INPP4B: variants seen among roughly 807,000 people sequenced by gnomAD.
The protein encoded by INPP4B is inositol polyphosphate 4-phosphatase type II.
Under a neutral mutation model 122.5 loss-of-function variants are expected in INPP4B, and 55 were observed. That is an observed-to-expected ratio of 0.45 (90% CI 0.36 to 0.56). The LOEUF is 0.56. INPP4B is among the 20% of genes least tolerant of loss of function. INPP4B has a pLI of 0.00. For missense variants in INPP4B, 1,000 were observed against 1,097.7 expected (o/e 0.91, Z 1.26); for synonymous variants, 403 against 388.7 (o/e 1.04, Z -0.43).
chr4:142,153,485 G>T (rs538106510), intron 17 of INPP4B, among the ~76,000 whole-genome samples: 2 of 152,208 alleles, frequency 1.3e-5, no homozygotes, highest in East Asian at 3.9e-4. Context: ...ATGCAAGTTT[G>T]TATATTCATT....
chr4:142,531,142 T>C (rs1827562519), intron 2 of INPP4B, among the ~76,000 whole-genome samples: 1 of 152,042 alleles, frequency 6.6e-6, no homozygotes, highest in Non-Finnish European at 1.5e-5. Flanking sequence ...GAGAATTGTC[T>C]AGATTCTGGA....
chr4:142,770,619 T>A (rs1171222694), intron 1 of INPP4B, among the ~76,000 whole-genome samples: 3 of 152,004 alleles, frequency 2.0e-5, no homozygotes, highest in African/African-American at 7.3e-5. Context: ...AATTCCCCAA[T>A]CTCAGTTTTA....
intron 2 of INPP4B, among the ~76,000 whole-genome samples, chr4:142,704,109 G>A (rs1373036): frequency 0.77 from 116,914 of 152,046 alleles, 45,038 homozygotes; most frequent in East Asian, 0.81. Context: ...AGGATGCAAC[G>A]GGATGGCAAG....
chr4:142,654,681 C>T (rs1753797208), intron 2 of INPP4B: 1 of 152,154 alleles, frequency 6.6e-6, no homozygotes, highest in Non-Finnish European at 1.5e-5. Context: ...CTTCTTCCAT[C>T]TAACATTACA....
chr4:142,542,492 A>T (rs142163933), intron 2 of INPP4B, among the ~76,000 whole-genome samples: 4 of 152,214 alleles, frequency 2.6e-5, no homozygotes, highest in Admixed American at 2.0e-4. Context: ...TGTCTGATAC[A>T]ACATTTAAAT....
At chr4:142,286,002 A>T (rs1048592194) in intron 9 of INPP4B, among the ~76,000 whole-genome samples, 5 of 152,206 alleles carry the variant, frequency 3.3e-5, no homozygotes, top group African/African-American at 1.2e-4. Flanking sequence ...ATTATTTTAG[A>T]GGTCAAAATG....
Position 142,117,057 on chromosome 4 carries a change from T to A in INPP4B, c.2136-4375A>T, listed in dbSNP as rs548665166. Among the ~76,000 whole-genome samples, 15 of 151,964 alleles carry A rather than the reference T, an allele frequency of 9.9e-5. No individual in the cohort carries two copies. In the South Asian group the frequency reaches 2.7e-3, roughly 27 times the overall value. Reference sequence around the variant, plus strand: ...ACCACTATGCAAATAAACTAGAAAATCTAGAAGAAATGGATAAATTCCTGG... The same window carrying A: ...ACCACTATGCAAATAAACTAGAAAAACTAGAAGAAATGGATAAATTCCTGG... On this transcript the variant is annotated intron_variant, in intron 21 of 25. Transcript: ENST00000262992.
chr4:142,609,465 A>C (rs182135312), intron 2 of INPP4B, among the ~76,000 whole-genome samples: 1 of 152,172 alleles, frequency 6.6e-6, no homozygotes, highest in Admixed American at 6.5e-5. Context: ...TTTCTCTGGG[A>C]TACTTCCCTT....
chr4:142,082,997 ATGC>A (rs1247446672), intron 24 of INPP4B, among the ~76,000 whole-genome samples: 1 of 151,886 alleles, frequency 6.6e-6, no homozygotes, highest in East Asian at 1.9e-4. Context: ...ATGGTGATGC[ATGC>A]TTGTAGTCCC....
chr4:142,408,712 G>GT (rs1242949660), intron 5 of INPP4B, among the ~76,000 whole-genome samples: 1 of 152,136 alleles, frequency 6.6e-6, no homozygotes, highest in Non-Finnish European at 1.5e-5. Flanking sequence ...GTTTCGTTTT[G>GT]TTTATTTAAG....
At chr4:142,399,249 T>C (rs1459715069) in intron 7 of INPP4B, among the ~76,000 whole-genome samples, 1 of 125,686 alleles carries the variant, frequency 8.0e-6, no homozygotes, top group Non-Finnish European at 1.6e-5. Context: ...CAGGCTGGAG[T>C]GCAGTGATGT....
intron 25 of INPP4B, among the ~76,000 whole-genome samples, chr4:142,081,016 C>T (rs1396411374): frequency 6.6e-6 from 1 of 152,102 alleles, no homozygotes; most frequent in Non-Finnish European, 1.5e-5. Context: ...TATGATAGAG[C>T]TCCACGGAAG....
At chr4:142,030,199 G>A (rs1406669943) in intron 25 of INPP4B, 1 of 1,535,660 alleles carries the variant, frequency 6.5e-7, no homozygotes, top group Non-Finnish European at 8.7e-7. Context: ...GAGCTGACAA[G>A]CAGCAAGGCG....
At chr4:142,588,231 T>C (rs896907386) in intron 2 of INPP4B, among the ~76,000 whole-genome samples, 14 of 151,902 alleles carry the variant, frequency 9.2e-5, no homozygotes, top group Admixed American at 4.6e-4. Context: ...ACTTTTCCTC[T>C]AAAATCAGGG....
At chr4:142,544,130 G>GGGTGTGTGTGTGTGTGTGTGTGT (rs1829270425) in intron 2 of INPP4B, among the ~76,000 whole-genome samples, 1 of 133,128 alleles carries the variant, frequency 7.5e-6, no homozygotes, top group African/African-American at 2.9e-5. Context: ...GTGTGTGTGT[G>GGGTGTGTGTGTGTGTGTGTGTGT]GTGTGTGTGT....
intron 17 of INPP4B, among the ~76,000 whole-genome samples, chr4:142,160,118 C>A (rs1819357701): frequency 1.3e-5 from 2 of 151,874 alleles, no homozygotes; most frequent in Non-Finnish European, 1.5e-5. Context: ...ACTGTGGCAT[C>A]TTTACTTGGA....
At chr4:142,070,292 C>G (rs1045016167) in intron 25 of INPP4B, among the ~76,000 whole-genome samples, 1 of 152,138 alleles carries the variant, frequency 6.6e-6, no homozygotes, top group South Asian at 2.1e-4. Flanking sequence ...GACAGCCTTT[C>G]ATGATAAAAA....
chr4:142,478,040 C>A (rs1385909696), intron 2 of INPP4B, among the ~76,000 whole-genome samples: 9 of 152,138 alleles, frequency 5.9e-5, no homozygotes, highest in Non-Finnish European at 1.3e-4. Flanking sequence ...TGAGCTCAAG[C>A]AATCCGCTCA....
chr4:142,681,191 G>A (rs868799181), intron 2 of INPP4B, among the ~76,000 whole-genome samples: 1 of 151,718 alleles, frequency 6.6e-6, no homozygotes, highest in Non-Finnish European at 1.5e-5. Flanking sequence ...GACTGTAATT[G>A]CATGGCCCTT....
Sources: allele counts gnomAD v4.1 joint callset (sites outside exome capture counted in the v4.1 genomes callset), GRCh38; gene constraint gnomAD v4.1.1; transcripts MANE v1.5; gene names NCBI Gene and HGNC (gene_info 2026-07-23, HGNC 2026-07-21).